The following KHDRBS2 variants were observed in gnomAD, a reference collection of about 807,000 sequenced individuals.
KHDRBS2 encodes the protein KH domain-containing, RNA-binding, signal transduction-associated protein 2.
Under a neutral mutation model 44.3 loss-of-function variants are expected in KHDRBS2, and 26 were observed. That is an observed-to-expected ratio of 0.59 (90% CI 0.43 to 0.81). The LOEUF (loss-of-function observed/expected upper bound fraction) is 0.81, where lower values mean the gene tolerates loss of function less well. KHDRBS2 is among the 40% of genes least tolerant of loss of function. KHDRBS2 has a pLI of 0.00. For missense variants in KHDRBS2, 476 were observed against 433.1 expected, an observed-to-expected ratio of 1.10 and a Z score of -0.88; for synonymous variants, 194 against 151.1, an observed-to-expected ratio of 1.28 and a Z score of -2.08.
chr6:62,265,593 T>G (rs534488078), intron 1 of KHDRBS2, among the ~76,000 whole-genome samples: 2 of 152,064 alleles, frequency 1.3e-5, no homozygotes, highest in Non-Finnish European at 2.9e-5. Flanking sequence ...TGTTATATTT[T>G]CAAATACATT....
chr6:61,673,196 A>G, the KHDRBS2 span, among the ~76,000 whole-genome samples: 1 of 151,970 alleles, frequency 6.6e-6, no homozygotes, highest in Non-Finnish European at 1.5e-5. Context: ...GTTCTGTTCT[A>G]TTGATCTATA....
At chr6:61,814,635 T>C (rs1486813297) in intron 6 of KHDRBS2, among the ~76,000 whole-genome samples, 2 of 151,950 alleles carry the variant, frequency 1.3e-5, no homozygotes, top group Admixed American at 6.6e-5. Context: ...CAAAAAACTA[T>C]ATATAGTGTT....
chr6:61,995,857 T>C (rs1419444919), intron 3 of KHDRBS2, among the ~76,000 whole-genome samples: 1 of 152,266 alleles, frequency 6.6e-6, no homozygotes, highest in African/African-American at 2.4e-5. Context: ...TATTTGTAAA[T>C]AGATGCCTTA....
chr6:62,071,150 T>G (rs1007021451), intron 2 of KHDRBS2, among the ~76,000 whole-genome samples: 10 of 152,058 alleles, frequency 6.6e-5, no homozygotes, highest in African/African-American at 2.2e-4. Context: ...TTTGAGAAGT[T>G]TCTGTTCATG....
At chr6:61,627,252 CAAAAAAAAAAAAAA>C in the KHDRBS2 span, among the ~76,000 whole-genome samples, 2 of 76,120 alleles carry the variant, frequency 2.6e-5, no homozygotes, top group African/African-American at 5.3e-5. Context: ...GACTCCGTCT[CAAAAAAAAAAAAAA>C]AAAAAAAAAA....
intron 6 of KHDRBS2, among the ~76,000 whole-genome samples, chr6:61,862,907 CTT>C (rs1797211976): frequency 1.3e-5 from 2 of 151,990 alleles, no homozygotes; most frequent in African/African-American, 4.8e-5. Context: ...ACCAGCTCTT[CTT>C]TGTCCCTCTG....
At chr6:62,259,735 G>A (rs192957027) in intron 1 of KHDRBS2, among the ~76,000 whole-genome samples, 30 of 151,910 alleles carry the variant, frequency 2.0e-4, no homozygotes, top group Non-Finnish European at 3.1e-4. Context: ...ACCACAGAAA[G>A]GTAAAAGCCA....
At chr6:62,049,615 T>C (rs1788532548) in intron 2 of KHDRBS2, among the ~76,000 whole-genome samples, 1 of 152,054 alleles carries the variant, frequency 6.6e-6, no homozygotes, top group Non-Finnish European at 1.5e-5. Flanking sequence ...TGTGATGATA[T>C]TTCTTTTCTC....
rs113507794 is a variant in KHDRBS2, at chr6:61,880,047, T to C, written c.810+14588A>G. On this transcript the variant is annotated intron_variant, in intron 6 of 8. Transcript: ENST00000281156. ...AATCAAAATATAATTTTTAGATTTTTTGAGGCTCAACTAAGTTGAAGTAGG... is the reference window on the plus strand; with the variant it reads ...AATCAAAATATAATTTTTAGATTTTCTGAGGCTCAACTAAGTTGAAGTAGG... Among the ~76,000 whole-genome samples the C allele has an allele frequency of 9.1e-3, 1,388 of 152,004 alleles. 10 individuals carry two copies. Among genetic ancestry groups the C allele is most frequent in the Middle Eastern group, 0.017 (5 of 294 alleles).
the KHDRBS2 span, chr6:61,652,145 G>A: frequency 6.6e-6 from 1 of 151,904 alleles, no homozygotes; most frequent in Non-Finnish European, 1.5e-5. Flanking sequence ...TATGCTTTTT[G>A]TTCAGTAAAA....
At chr6:62,199,219 T>C (rs1826362969) in intron 1 of KHDRBS2, among the ~76,000 whole-genome samples, 1 of 152,096 alleles carries the variant, frequency 6.6e-6, no homozygotes, top group Admixed American at 6.6e-5. Context: ...TTCAACATAG[T>C]GTTGGAAGTT....
intron 6 of KHDRBS2, among the ~76,000 whole-genome samples, chr6:61,824,439 T>C (rs1470037718): frequency 2.0e-5 from 3 of 152,086 alleles, no homozygotes; most frequent in East Asian, 3.9e-4. Context: ...GCCATGATTG[T>C]AAGTTTCCTA....
intron 2 of KHDRBS2, among the ~76,000 whole-genome samples, chr6:62,093,283 T>C (rs1799825889): frequency 6.6e-6 from 1 of 151,850 alleles, no homozygotes; most frequent in Non-Finnish European, 1.5e-5. Context: ...ATGGCTTTAC[T>C]AAATCCAAGA....
At chr6:61,899,407 A>C (rs1803512276) in intron 5 of KHDRBS2, among the ~76,000 whole-genome samples, 1 of 151,918 alleles carries the variant, frequency 6.6e-6, no homozygotes, top group Non-Finnish European at 1.5e-5. Context: ...TTGGAAGTGA[A>C]ATTTAATTTT....
chr6:62,125,373 G>A lies in KHDRBS2; in HGVS notation c.219+51812C>T, dbSNP rs528881969. Among the ~76,000 whole-genome samples, 6 of 152,226 alleles carry A rather than the reference G, an allele frequency of 3.9e-5. No individual in the cohort carries two copies. The South Asian group carries it at 8.3e-4, about 21-fold the overall frequency. On this transcript the variant is annotated intron_variant, in intron 2 of 8. Coordinates refer to ENST00000281156, the MANE Select transcript of KHDRBS2 (RefSeq NM_152688.4). ...AGTTTCAGTAAGCCTTGCCATCCTC[G>A]GCTTAAGTGCTCTAGGGTCCTCAGT...
chr6:61,920,551 G>A (rs1296419043), intron 4 of KHDRBS2, among the ~76,000 whole-genome samples: 3 of 151,958 alleles, frequency 2.0e-5, no homozygotes. Flanking sequence ...GAAGTGCTAA[G>A]TATATGTGAA....
At chr6:61,844,299 A>G (rs1275194630) in intron 6 of KHDRBS2, among the ~76,000 whole-genome samples, 1 of 152,206 alleles carries the variant, frequency 6.6e-6, no homozygotes, top group African/African-American at 2.4e-5. Flanking sequence ...TCACTAAAGT[A>G]CATTCCATTA....
rs574930953 is a variant in KHDRBS2 at position 62,230,539 on chromosome 6, A to G, written c.92-53227T>C. On this transcript the variant is annotated intron_variant, in intron 1 of 8. Coordinates refer to ENST00000281156, the MANE Select transcript of KHDRBS2 (RefSeq NM_152688.4). ...TGGCTATCACAGAAGTTAGAGCCCC[A>G]CTCCCATTGATCAATTTCTGGCTTT... Among the ~76,000 whole-genome samples the G allele has an allele frequency of 2.1e-3, 320 of 152,192 alleles. 1 individual carries two copies. Among genetic ancestry groups the G allele is most frequent in the African/African-American group, 7.3e-3 (301 of 41,512 alleles).
At position 62,036,363 on chromosome 6, in the gene KHDRBS2, A is replaced by C. The variant is rs534882458; in HGVS notation, c.336+11515T>G. Among the ~76,000 whole-genome samples, 64 of 152,152 alleles carry C rather than the reference A, an allele frequency of 4.2e-4. No individual in the cohort carries two copies. In the South Asian group the frequency reaches 0.013, roughly 31 times the overall value. ...TTACAATATTTAAAGTAATTTAGAA[A>C]GGGAAAAATAGATACAGGGCCTATT... On this transcript the variant is annotated intron_variant, in intron 3 of 8. Transcript: ENST00000281156.
Sources: allele counts gnomAD v4.1 joint callset (sites outside exome capture counted in the v4.1 genomes callset), GRCh38; gene constraint gnomAD v4.1.1; transcripts MANE v1.5; gene names NCBI Gene and HGNC (gene_info 2026-07-23, HGNC 2026-07-21).